Variants in DLG2 observed in about 807,000 individuals in gnomAD.
The protein encoded by DLG2 is discs large MAGUK scaffold protein 2.
In DLG2, 45 loss-of-function variants were observed where a neutral mutation model predicts 132.5. The ratio of observed to expected loss-of-function variants is 0.34; its 90% confidence interval spans 0.27 to 0.44. DLG2 has a LOEUF of 0.44. Among genes scored for constraint, DLG2 ranks in the 20% least tolerant of loss-of-function variants. DLG2 has a pLI of 1.00. For missense variants in DLG2, 1,045 were observed against 1,196.9 expected, an observed-to-expected ratio of 0.87 and a Z score of 1.87; for synonymous variants, 424 against 419.6, an observed-to-expected ratio of 1.01 and a Z score of -0.13.
In DLG2 at chr11:83,459,020, AG is replaced by A. The variant is rs1391977530; in HGVS notation, c.*797del. On this transcript the variant is annotated 3_prime_UTR_variant, in exon 28 of 28. Transcript: ENST00000376104. ...TCATCTGCTGATGTTGCATACATTT[AG>A]TCTTTCAATATTAGTCTTTACAAAA... The A allele has an allele frequency of 5.9e-5, 9 of 152,408 alleles. No individual in the cohort carries two copies. Among genetic ancestry groups the A allele is most frequent in the Non-Finnish European group, 1.5e-5 (1 of 68,042 alleles). 9.4% of individuals were successfully genotyped at this position (152,408 alleles called of 1,614,324 possible). A position where few individuals can be genotyped will look rare whatever the true frequency, so the allele number is the denominator to read the frequency against.
rs1565536346 is a variant in DLG2 at position 83,507,761 on chromosome 11, TATATATATATA to T, written c.2194-23544_2194-23534del. On this transcript the variant is annotated intron_variant, in intron 21 of 27. Transcript: ENST00000376104. Reference sequence around the variant, plus strand: ...TATATTTACATATATATTTTTATTATATATATATATATATATATATATATATATATATATAT... The same window carrying T: ...TATATTTACATATATATTTTTATTATTATATATATATATATATATATATAT... 8.6e-3 allele frequency among the ~76,000 whole-genome samples: 111 copies of T among 12,956 alleles called. 1 individual carries two copies. The highest frequency in any genetic ancestry group is 0.023 in the African/African-American group (104 of 4,482). 8.5% of individuals were successfully genotyped at this position (12,956 alleles called of 152,430 possible).
intron 7 of DLG2, chr11:84,317,458 T>C: frequency 2.3e-6 from 2 of 856,212 alleles, no homozygotes; most frequent in Non-Finnish European, 3.0e-6. Context: ...GTACACTGTG[T>C]TACAAACCCT....
In DLG2 at chr11:84,441,459, G is replaced by A. The variant is rs538810334; in HGVS notation, c.519+93111C>T. On this transcript the variant is annotated intron_variant, in intron 7 of 27. Transcript: ENST00000376104. ...AACAAAAGGGTGGAATATATAGTAC[G>A]TAGAATATTTTGGTAAAGAATATGT... is the stretch of plus-strand genomic sequence containing the variant. 9.2e-5 allele frequency among the ~76,000 whole-genome samples: 14 copies of A among 152,238 alleles called. No homozygotes were observed. The South Asian group carries it at 1.0e-3, about 11-fold the overall frequency.
chr11:85,037,659 G>A (rs1205913787), intron 6 of DLG2, among the ~76,000 whole-genome samples: 4 of 152,088 alleles, frequency 2.6e-5, no homozygotes, highest in African/African-American at 9.7e-5. Context: ...TTAAAATGTG[G>A]TGGGTTTTTT....
chr11:83,883,675 C>A (rs181344534), intron 15 of DLG2, among the ~76,000 whole-genome samples: 187 of 152,218 alleles, frequency 1.2e-3, no homozygotes, highest in African/African-American at 4.2e-3. Flanking sequence ...TTTAACACAG[C>A]GGGCATATTC....
chr11:84,962,226 C>A (rs543881457), intron 6 of DLG2, among the ~76,000 whole-genome samples: 1 of 152,280 alleles, frequency 6.6e-6, no homozygotes, highest in Admixed American at 6.5e-5. Context: ...TGAAACTTCA[C>A]GAGGGAGAGT....
In DLG2 at chr11:83,987,766, C is replaced by T. The variant is rs191557084; in HGVS notation, c.920-7124G>A. On this transcript the variant is annotated intron_variant, in intron 11 of 27. Coordinates refer to ENST00000376104, the MANE Select transcript of DLG2 (RefSeq NM_001142699.3). ...ACCCTAGAAGAAAACCTAGGCATTA[C>T]CATTCAGGACATAGGCATGGGCAAG... Among the ~76,000 whole-genome samples the T allele has an allele frequency of 1.6e-3, 248 of 152,186 alleles. 1 individual carries two copies. Among genetic ancestry groups the T allele is most frequent in the Middle Eastern group, 3.4e-3 (1 of 294 alleles).
At chr11:83,624,567 G>A (rs2062172695) in intron 19 of DLG2, among the ~76,000 whole-genome samples, 1 of 152,138 alleles carries the variant, frequency 6.6e-6, no homozygotes, top group Non-Finnish European at 1.5e-5. Context: ...CACCAGTTTA[G>A]GAGGCAGGCT....
chr11:84,716,853 T>C (rs1415083509), intron 6 of DLG2, among the ~76,000 whole-genome samples: 2 of 152,130 alleles, frequency 1.3e-5, no homozygotes, highest in East Asian at 3.9e-4. Context: ...TGGAATTACT[T>C]CCTCAATAGG....
intron 3 of DLG2, among the ~76,000 whole-genome samples, chr11:85,496,111 G>A (rs895023541): frequency 1.3e-5 from 2 of 152,208 alleles, no homozygotes; most frequent in African/African-American, 4.8e-5. Flanking sequence ...CATCACACAG[G>A]AAGTGCAACT....
At chr11:84,345,785 C>A (rs2098536950) in intron 7 of DLG2, among the ~76,000 whole-genome samples, 1 of 152,038 alleles carries the variant, frequency 6.6e-6, no homozygotes, top group Non-Finnish European at 1.5e-5. Flanking sequence ...CCTGTTTTTG[C>A]AAATAAAGAT....
chr11:84,759,859 G>A (rs184094142), intron 6 of DLG2, among the ~76,000 whole-genome samples: 1 of 151,686 alleles, frequency 6.6e-6, no homozygotes, highest in East Asian at 1.9e-4. Context: ...AGGGATCCTG[G>A]TATCTTTAAT....
chr11:85,456,203 A>G (rs2092416762), intron 3 of DLG2, among the ~76,000 whole-genome samples: 1 of 152,008 alleles, frequency 6.6e-6, no homozygotes, highest in South Asian at 2.1e-4. Context: ...GGGAGGTTGT[A>G]TGTGTCCAGG....
Position 83,511,087 on chromosome 11 carries a change from G to GACACACAGACACAC in DLG2, c.2193+21620_2193+21621insGTGTGTCTGTGTGT, listed in dbSNP as rs1555134673. On this transcript the variant is annotated intron_variant, in intron 21 of 27. Coordinates refer to ENST00000376104, the MANE Select transcript of DLG2 (RefSeq NM_001142699.3). ...TCACTTGCTCAAACACACACACACA[G>GACACACAGACACAC]ACACACACACACACACACACACACA... Among the ~76,000 whole-genome samples, 332 of 138,582 alleles carry GACACACAGACACAC rather than the reference G, an allele frequency of 2.4e-3. 1 individual carries two copies. The highest frequency in any genetic ancestry group is 0.019 in the Middle Eastern group (5 of 270). The allele number at this position is 138,582 out of a possible 152,430, so 90.9% of individuals were successfully genotyped here.
intron 3 of DLG2, among the ~76,000 whole-genome samples, chr11:85,539,006 A>AT (rs1362487724): frequency 1.3e-5 from 2 of 151,722 alleles, no homozygotes; most frequent in African/African-American, 4.9e-5. Flanking sequence ...ATTAAATTAC[A>AT]TTTTTTTAAA....
chr11:85,428,703 T>G (rs962433940), intron 3 of DLG2, among the ~76,000 whole-genome samples: 5 of 151,966 alleles, frequency 3.3e-5, no homozygotes, highest in Non-Finnish European at 7.4e-5. Flanking sequence ...CACCCTAACA[T>G]CATAATTAAA....
intron 4 of DLG2, among the ~76,000 whole-genome samples, chr11:85,239,388 T>A (rs2075763367): frequency 6.6e-6 from 1 of 152,130 alleles, no homozygotes; most frequent in Non-Finnish European, 1.5e-5. Context: ...TATAAAAGAT[T>A]TCTGTATATT....
At chr11:83,995,403 G>A (rs1172431147) in intron 11 of DLG2, among the ~76,000 whole-genome samples, 1 of 152,100 alleles carries the variant, frequency 6.6e-6, no homozygotes, top group Admixed American at 6.6e-5. Context: ...CCTTATATTA[G>A]TGGCAATGAG....
At chr11:84,715,690 T>A (rs1278336809) in intron 6 of DLG2, among the ~76,000 whole-genome samples, 3 of 152,146 alleles carry the variant, frequency 2.0e-5, no homozygotes, top group Non-Finnish European at 4.4e-5. Flanking sequence ...TTATTGCAAA[T>A]GTAAGGTTAT....
Sources: allele counts gnomAD v4.1 joint callset (sites outside exome capture counted in the v4.1 genomes callset), GRCh38; gene constraint gnomAD v4.1.1; transcripts MANE v1.5; gene names NCBI Gene and HGNC (gene_info 2026-07-23, HGNC 2026-07-21).